Variants in PIAS1 observed in about 807,000 individuals in gnomAD.
PIAS1 encodes the protein protein inhibitor of activated STAT 1, also known as E3 SUMO-protein ligase PIAS1.
Under a neutral mutation model 71.3 loss-of-function variants are expected in PIAS1, and 6 were observed. The observed-to-expected ratio is 0.08, with a 90% confidence interval of 0.05 to 0.17. PIAS1 has a LOEUF of 0.17. PIAS1 is among the 10% of genes least tolerant of loss of function. The pLI, the probability that PIAS1 is intolerant of heterozygous loss-of-function variation, is 1.00. For missense variants in PIAS1, 555 were observed against 793.6 expected, an observed-to-expected ratio of 0.70 and a Z score of 3.61; for synonymous variants, 303 against 292.9, an observed-to-expected ratio of 1.03 and a Z score of -0.35.
chr15:68,079,626 G>A (rs2092207513), intron 1 of PIAS1, among the ~76,000 whole-genome samples: 1 of 151,182 alleles, frequency 6.6e-6, no homozygotes, highest in African/African-American at 2.4e-5. Context: ...GCCACCAATG[G>A]GCCTGGCTAA....
chr15:68,093,440 G>A (rs2092349253), intron 2 of PIAS1, among the ~76,000 whole-genome samples: 1 of 152,224 alleles, frequency 6.6e-6, no homozygotes, highest in Admixed American at 6.5e-5. Flanking sequence ...TAGGGCATTG[G>A]TCTGGATGTT....
At chr15:68,183,900 T>C (rs961832631) in intron 13 of PIAS1, 11 of 368,534 alleles carry the variant, frequency 3.0e-5, no homozygotes, top group Non-Finnish European at 4.9e-5. Flanking sequence ...CATGTAAAAG[T>C]ATCACACGTA....
chr15:68,112,721 C>T (rs2092532753), intron 2 of PIAS1, among the ~76,000 whole-genome samples: 1 of 152,258 alleles, frequency 6.6e-6, no homozygotes, highest in East Asian at 1.9e-4. Flanking sequence ...GCAAGGAAAT[C>T]TAGAACTCTC....
In PIAS1 at chr15:68,134,464, G is replaced by A. The variant is rs1175489976; in HGVS notation, c.470-7482G>A. On this transcript the variant is annotated intron_variant, in intron 2 of 13. Transcript: ENST00000249636. ...TGGGCAGAGGCGCCCCTCACCTCCCGGACGGGGCGGCTGGCCGGGCGGGGG... is the reference window on the plus strand; with the variant it reads ...TGGGCAGAGGCGCCCCTCACCTCCCAGACGGGGCGGCTGGCCGGGCGGGGG... Among the ~76,000 whole-genome samples the A allele has an allele frequency of 1.4e-3, 76 of 54,068 alleles. 19 individuals are homozygous for A. Among genetic ancestry groups the A allele is most frequent in the Admixed American group, 3.3e-3 (22 of 6,594 alleles). The allele number at this position is 54,068 out of a possible 152,430, so 35.5% of individuals were successfully genotyped here. A position where few individuals can be genotyped will look rare whatever the true frequency, so the allele number is the denominator to read the frequency against.
intron 2 of PIAS1, among the ~76,000 whole-genome samples, chr15:68,138,823 G>T (rs1268022722): frequency 6.6e-6 from 1 of 152,176 alleles, no homozygotes; most frequent in African/African-American, 2.4e-5. Flanking sequence ...ACGTCTGGAG[G>T]AGGAAGATTT....
chr15:68,129,799 ACACACAC>A (rs2092676836), intron 2 of PIAS1, among the ~76,000 whole-genome samples: 2 of 19,040 alleles, frequency 1.1e-4, no homozygotes, highest in South Asian at 0.013. Flanking sequence ...GTATTTACAC[ACACACAC>A]ACACACACAC....
At chr15:68,098,502 G>C (rs922639982) in intron 2 of PIAS1, among the ~76,000 whole-genome samples, 1 of 152,136 alleles carries the variant, frequency 6.6e-6, no homozygotes, top group African/African-American at 2.4e-5. Context: ...GTTAAAATCT[G>C]TGTTGTTCAA....
chr15:68,136,690 T>A (rs2092736062), intron 2 of PIAS1, among the ~76,000 whole-genome samples: 1 of 152,206 alleles, frequency 6.6e-6, no homozygotes, highest in Admixed American at 6.5e-5. Context: ...TTATTGAATT[T>A]ATGCAAAGGA....
Position 68,167,779 on chromosome 15 carries a change from C to G in PIAS1, c.1008+2975C>G. 6.6e-6 allele frequency among the ~76,000 whole-genome samples: 1 copy of G among 152,142 alleles called. No individual in the cohort carries two copies. The highest frequency in any genetic ancestry group is 2.1e-4 in the South Asian group (1 of 4,834). On this transcript the variant is annotated intron_variant, in intron 8 of 13. Transcript: ENST00000249636. This position sits in a 1 kb window ranked among gnomAD's most constrained non-coding sequence, Gnocchi z 4.4. ...GGAGTACAGTGGCCAGATCTTGGCT[C>G]ACTGCAACCTCCACCTCCCAGGTTC...
chr15:68,113,605 C>A lies in PIAS1; in HGVS notation c.469+26855C>A, dbSNP rs1182103564. Among the ~76,000 whole-genome samples, 3 of 151,958 alleles carry A rather than the reference C, an allele frequency of 2.0e-5. No individual in the cohort carries two copies. The East Asian group carries it at 5.8e-4, about 29-fold the overall frequency. ...AGCTGCTTGGGAGTCTTTATAGACT[C>A]CTTTGATTAAGTCTACCAGGAGACC... On this transcript the variant is annotated intron_variant, in intron 2 of 13. Coordinates refer to ENST00000249636, the MANE Select transcript of PIAS1 (RefSeq NM_016166.3).
chr15:68,130,390 C>T (rs1451606799), intron 2 of PIAS1, among the ~76,000 whole-genome samples: 1 of 151,644 alleles, frequency 6.6e-6, no homozygotes, highest in Non-Finnish European at 1.5e-5. Context: ...TTTCAGAAAC[C>T]TCTATGAAGT....
chr15:68,180,558 C>G (rs1366047573), intron 11 of PIAS1, among the ~76,000 whole-genome samples: 2 of 150,828 alleles, frequency 1.3e-5, no homozygotes, highest in Non-Finnish European at 3.0e-5. Flanking sequence ...TTATACTGTT[C>G]TCTCTTTAAA....
At chr15:68,091,544 T>C (rs1468947322) in intron 2 of PIAS1, among the ~76,000 whole-genome samples, 1 of 152,178 alleles carries the variant, frequency 6.6e-6, no homozygotes, top group African/African-American at 2.4e-5. Flanking sequence ...ATATAGTGCT[T>C]TTAAATATTT....
At chr15:68,154,935 C>T (rs1405096705) in intron 7 of PIAS1, among the ~76,000 whole-genome samples, 3 of 152,124 alleles carry the variant, frequency 2.0e-5, no homozygotes, top group Non-Finnish European at 4.4e-5. Context: ...TGAAGTTATT[C>T]CTGGTCATTC....
chr15:68,155,464 A>AAC (rs2092882214), intron 7 of PIAS1, among the ~76,000 whole-genome samples: 1 of 151,274 alleles, frequency 6.6e-6, no homozygotes, highest in African/African-American at 2.4e-5. Flanking sequence ...AAAAAAAAAA[A>AAC]AAAAAAAACC....
intron 2 of PIAS1, among the ~76,000 whole-genome samples, chr15:68,114,998 T>C (rs1050183615): frequency 2.0e-5 from 3 of 152,112 alleles, no homozygotes; most frequent in African/African-American, 7.2e-5. Flanking sequence ...AATAGGCTCT[T>C]AATATTCACA....
chr15:68,120,255 ACTCT>A (rs2092602423), intron 2 of PIAS1, among the ~76,000 whole-genome samples: 1 of 149,124 alleles, frequency 6.7e-6, no homozygotes, highest in Non-Finnish European at 1.5e-5. Flanking sequence ...TTTTTTTTTA[ACTCT>A]CTCATATCTG....
chr15:68,140,446 A>G lies in PIAS1; in HGVS notation c.470-1500A>G, dbSNP rs1387553. Among the ~76,000 whole-genome samples the G allele has an allele frequency of 4.8e-3, 732 of 152,310 alleles. 6 individuals are homozygous for G. Among genetic ancestry groups the G allele is most frequent in the African/African-American group, 0.016 (674 of 41,560 alleles). On this transcript the variant is annotated intron_variant, in intron 2 of 13. Coordinates refer to ENST00000249636, the MANE Select transcript of PIAS1 (RefSeq NM_016166.3). ...AGAGGGAAATGTTAGCTGGTTTTCT[A>G]CATTCTGGGCCTTAGTTATTGGCAT...
At chr15:68,090,728 TC>T (rs761039076) in intron 2 of PIAS1, among the ~76,000 whole-genome samples, 3 of 152,150 alleles carry the variant, frequency 2.0e-5, no homozygotes, top group Non-Finnish European at 2.9e-5. Context: ...ATGGTATTCT[TC>T]CTCTTATTGC....
Sources: gnomAD v4.1 joint callset for allele counts (sites outside exome capture counted in the v4.1 genomes callset) on GRCh38, gnomAD v4.1.1 for gene constraint, Gnocchi (gnomAD v3.1) non-coding constraint, MANE v1.5 for transcripts, NCBI Gene and HGNC (gene_info 2026-07-23, HGNC 2026-07-21) for gene names.